The following PSTPIP2 variants were observed in gnomAD, a reference collection of about 807,000 sequenced individuals.
PSTPIP2 encodes proline-serine-threonine phosphatase-interacting protein 2.
In PSTPIP2, 33 loss-of-function variants were observed where a neutral mutation model predicts 63.3. The observed-to-expected ratio is 0.52, with a 90% confidence interval of 0.40 to 0.70. The LOEUF is 0.70. PSTPIP2 is among the 30% of genes least tolerant of loss of function. The pLI is 0.00. For missense variants in PSTPIP2, 312 were observed against 400.7 expected (o/e 0.78, Z 1.89); for synonymous variants, 125 against 132.7 (o/e 0.94, Z 0.40).
intron 1 of PSTPIP2, 69 bp downstream of exon 1, chr18:46,072,087 C>T: frequency 6.7e-7 from 1 of 1,503,634 alleles, no homozygotes; most frequent in East Asian, 2.8e-5. Flanking sequence ...CCCCCCACGC[C>T]CGCCGCGTTG....
intron 1 of PSTPIP2, among the ~76,000 whole-genome samples, chr18:46,068,803 A>G (rs368990141): frequency 8.5e-5 from 13 of 152,292 alleles, no homozygotes; most frequent in South Asian, 2.1e-4. Flanking sequence ...CCAAGAGATG[A>G]CTGTATAGAG....
At chr18:46,035,365 A>G (rs1907930068) in intron 2 of PSTPIP2, among the ~76,000 whole-genome samples, 1 of 150,910 alleles carries the variant, frequency 6.6e-6, no homozygotes, top group South Asian at 2.1e-4. Context: ...GGTTGAAGTG[A>G]GCTGAGATCG....
chr18:46,049,056 G>GGA (rs1329489624), intron 1 of PSTPIP2, among the ~76,000 whole-genome samples: 1 of 138,950 alleles, frequency 7.2e-6, no homozygotes, highest in Non-Finnish European at 1.6e-5. Context: ...GTGTGTGTGT[G>GGA]GAGAGAGAGA....
chr18:46,023,516 G>A (rs551419588), intron 3 of PSTPIP2, among the ~76,000 whole-genome samples: 1 of 152,050 alleles, frequency 6.6e-6, no homozygotes, highest in African/African-American at 2.4e-5. Context: ...CCAAGATCGC[G>A]CCATTGCACT....
intron 2 of PSTPIP2, among the ~76,000 whole-genome samples, chr18:46,037,762 G>A (rs1033949637): frequency 6.6e-6 from 1 of 152,100 alleles, no homozygotes; most frequent in Non-Finnish European, 1.5e-5. Context: ...GCATCTCCAC[G>A]CCCAGGGCAT....
At chr18:45,997,415 T>C (rs796881439) in intron 9 of PSTPIP2, among the ~76,000 whole-genome samples, 3 of 152,256 alleles carry the variant, frequency 2.0e-5, no homozygotes, top group African/African-American at 7.2e-5. Flanking sequence ...CTTGAACTCC[T>C]GACCTCAGGT....
intron 3 of PSTPIP2, among the ~76,000 whole-genome samples, chr18:46,017,110 T>C (rs977753769): frequency 1.3e-5 from 2 of 152,230 alleles, no homozygotes; most frequent in Admixed American, 6.5e-5. Flanking sequence ...TTAACTCTAA[T>C]TTTTTGTTGG....
At chr18:46,012,202 T>C (rs2051803777) in intron 4 of PSTPIP2, among the ~76,000 whole-genome samples, 1 of 152,102 alleles carries the variant, frequency 6.6e-6, no homozygotes, top group Non-Finnish European at 1.5e-5. Context: ...ACCTTTCAGT[T>C]GGGCAAAATT....
At chr18:46,000,885 C>T (rs2051657236) in intron 6 of PSTPIP2, among the ~76,000 whole-genome samples, 2 of 119,670 alleles carry the variant, frequency 1.7e-5, no homozygotes, top group South Asian at 5.5e-4. Flanking sequence ...GGAAGAAAAC[C>T]AACAAAGCTG....
intron 3 of PSTPIP2, among the ~76,000 whole-genome samples, chr18:46,022,876 C>T (rs1907420925): frequency 1.3e-5 from 2 of 152,024 alleles, no homozygotes; most frequent in Admixed American, 1.3e-4. Flanking sequence ...AAATGCCCAT[C>T]AATGATAGAC....
intron 1 of PSTPIP2, among the ~76,000 whole-genome samples, chr18:46,063,954 C>T (rs1364973988): frequency 6.6e-6 from 1 of 152,124 alleles, no homozygotes; most frequent in Non-Finnish European, 1.5e-5. Context: ...TTTTCAATGT[C>T]CTTCTGTTAG....
In PSTPIP2 at chr18:46,017,170, AAAT is replaced by A. The variant is rs1425514050; in HGVS notation, c.213-1236_213-1234del. On this transcript the variant is annotated intron_variant, in intron 3 of 14. Transcript: ENST00000409746. ...TCTTGAAAAATAATTTCTCCAAGAAAAATAATTTTTCCAGGTTGATAATTATTT... is the reference window on the plus strand; with the variant it reads ...TCTTGAAAAATAATTTCTCCAAGAAAAATTTTTCCAGGTTGATAATTATTT... Among the ~76,000 whole-genome samples the A allele has an allele frequency of 5.3e-5, 8 of 152,170 alleles. No individual in the cohort carries two copies. The East Asian group carries it at 1.5e-3, about 29-fold the overall frequency.
chr18:46,031,773 T>C (rs1834138343), intron 2 of PSTPIP2, among the ~76,000 whole-genome samples: 1 of 152,212 alleles, frequency 6.6e-6, no homozygotes, highest in Non-Finnish European at 1.5e-5. Flanking sequence ...CTCAGTTTCT[T>C]TCTTGTAAGA....
At position 46,042,981 on chromosome 18, in the gene PSTPIP2, G is replaced by T. The variant is rs149227814; in HGVS notation, c.34-2934C>A. 8.8e-3 allele frequency among the ~76,000 whole-genome samples: 1,346 copies of T among 152,140 alleles called. 22 individuals carry two copies. The highest frequency in any genetic ancestry group is 0.031 in the African/African-American group (1,299 of 41,486). On this transcript the variant is annotated intron_variant, in intron 1 of 14. Transcript: ENST00000409746. ...CACTCCTCTGAAGCAGCAATTCTGG[G>T]TTTTTTAAAGGCTGGCAGCTGGGAG...
intron 13 of PSTPIP2, 93 bp downstream of exon 13, chr18:45,990,629 C>T: frequency 9.1e-7 from 1 of 1,100,128 alleles, no homozygotes; most frequent in Non-Finnish European, 1.3e-6. Flanking sequence ...AGGGTTTCAC[C>T]ATGTTGACCA....
chr18:45,985,846 A>G (rs985816389), intron 14 of PSTPIP2, among the ~76,000 whole-genome samples: 4 of 150,534 alleles, frequency 2.7e-5, no homozygotes, highest in Non-Finnish European at 4.4e-5. Context: ...GCGCAATCTC[A>G]GCTCACTGCA....
intron 4 of PSTPIP2, among the ~76,000 whole-genome samples, chr18:46,011,922 GA>G (rs1280444043): frequency 1.3e-5 from 2 of 152,070 alleles, no homozygotes; most frequent in African/African-American, 2.4e-5. Context: ...ATTGATCTAA[GA>G]AAAAAATTTA....
intron 9 of PSTPIP2, among the ~76,000 whole-genome samples, chr18:45,994,345 T>C (rs1219248838): frequency 6.6e-6 from 1 of 152,230 alleles, no homozygotes; most frequent in African/African-American, 2.4e-5. Context: ...ATAGCTATTT[T>C]TAACATGAAT....
At chr18:46,041,313 T>A (rs1228500054) in intron 1 of PSTPIP2, among the ~76,000 whole-genome samples, 1 of 152,150 alleles carries the variant, frequency 6.6e-6, no homozygotes, top group Non-Finnish European at 1.5e-5. Context: ...AGTGGCACGA[T>A]CTTGGCTCAC....
Sources: gnomAD v4.1 joint callset for allele counts (sites outside exome capture counted in the v4.1 genomes callset) on GRCh38, gnomAD v4.1.1 for gene constraint, MANE v1.5 for transcripts, NCBI Gene and HGNC (gene_info 2026-07-23, HGNC 2026-07-21) for gene names.